FOXN3: variants seen among roughly 807,000 people sequenced by gnomAD.
The protein encoded by FOXN3 is forkhead box protein N3.
A neutral mutation model predicts 38.4 loss-of-function variants in FOXN3; 7 were observed. That is an observed-to-expected ratio of 0.18 (90% confidence interval 0.10 to 0.34). FOXN3 has a LOEUF of 0.34. FOXN3 is among the 10% of genes least tolerant of loss of function. The probability of loss-of-function intolerance (pLI) is 1.00; values close to 1 mark genes in which losing one functional copy is unlikely to be tolerated. For synonymous variants in FOXN3, 230 were observed against 242.2 expected, an observed-to-expected ratio of 0.95 and a Z score of 0.47; for missense variants, 456 against 613.4, an observed-to-expected ratio of 0.74 and a Z score of 2.71.
chr14:89,472,206 G>T (rs1893108411), intron 1 of FOXN3, among the ~76,000 whole-genome samples: 1 of 150,328 alleles, frequency 6.7e-6, no homozygotes. Context: ...GGTGAGCTGA[G>T]ATCATGCCAC....
chr14:89,249,258 G>C (rs974852230), intron 4 of FOXN3, among the ~76,000 whole-genome samples: 1 of 152,158 alleles, frequency 6.6e-6, no homozygotes, highest in Non-Finnish European at 1.5e-5. Flanking sequence ...TAGCAGGAAA[G>C]GCTTCCGTTG....
chr14:89,580,097 C>A (rs1238177334), intron 1 of FOXN3, among the ~76,000 whole-genome samples: 2 of 152,140 alleles, frequency 1.3e-5, no homozygotes, highest in Non-Finnish European at 2.9e-5. Context: ...GACTCCATAA[C>A]CCATATTTCT....
At chr14:89,264,101 C>G (rs1289714127) in intron 4 of FOXN3, 1 of 152,326 alleles carries the variant, frequency 6.6e-6, no homozygotes. Flanking sequence ...AATCAGCACC[C>G]TATGAACTAA....
chr14:89,447,203 G>GA (rs11384819), intron 1 of FOXN3, among the ~76,000 whole-genome samples: 49,423 of 135,946 alleles, frequency 0.36, 8,979 homozygotes, highest in Middle Eastern at 0.51. Context: ...TCACAAAAAG[G>GA]AAAAAAAAAA....
At chr14:89,222,888 T>C (rs1324783769) in intron 4 of FOXN3, among the ~76,000 whole-genome samples, 1 of 152,202 alleles carries the variant, frequency 6.6e-6, no homozygotes, top group East Asian at 1.9e-4. Flanking sequence ...AACTATGGAA[T>C]CTGCCTTTAG....
intron 2 of FOXN3, among the ~76,000 whole-genome samples, chr14:89,366,020 G>C (rs1383237821): frequency 2.0e-5 from 3 of 152,156 alleles, no homozygotes; most frequent in Non-Finnish European, 2.9e-5. Flanking sequence ...GGGAGGCCGA[G>C]GCGGGTGGAT....
chr14:89,550,899 G>A (rs1224238730), intron 1 of FOXN3, among the ~76,000 whole-genome samples: 1 of 152,146 alleles, frequency 6.6e-6, no homozygotes, highest in Non-Finnish European at 1.5e-5. Flanking sequence ...TCTTTTCTGT[G>A]GGGGTAGGGG....
chr14:89,442,505 C>G (rs1430631143), intron 1 of FOXN3, among the ~76,000 whole-genome samples: 1 of 152,184 alleles, frequency 6.6e-6, no homozygotes, highest in Admixed American at 6.5e-5. Flanking sequence ...CAAAATGACT[C>G]CTATCTTCTG....
At chr14:89,493,289 T>C (rs895261681) in intron 1 of FOXN3, among the ~76,000 whole-genome samples, 1 of 152,218 alleles carries the variant, frequency 6.6e-6, no homozygotes, top group Non-Finnish European at 1.5e-5. Context: ...TAAATTGCAC[T>C]ACAACATACT....
intron 3 of FOXN3, among the ~76,000 whole-genome samples, chr14:89,297,850 T>A (rs1385271274): frequency 1.3e-5 from 2 of 152,110 alleles, no homozygotes; most frequent in African/African-American, 2.4e-5. Context: ...CCGGGTGTGG[T>A]GGCACACACC....
chr14:89,203,402 C>T lies in FOXN3; in HGVS notation c.746-22596G>A, dbSNP rs1394325201. On this transcript the variant is annotated intron_variant, in intron 4 of 5. Coordinates refer to ENST00000557258, the MANE Select transcript of FOXN3 (RefSeq NM_005197.4). The stretch of plus-strand genomic sequence containing the variant: ...TTCTTCAGAGAGAGGCTCTGGATAT[C>T]CAGCCAAGGCCCAGATCTGTTCTCC... Among the ~76,000 whole-genome samples, 3 of 152,222 alleles carry T rather than the reference C, an allele frequency of 2.0e-5. No individual in the cohort carries two copies. In the East Asian group the frequency reaches 5.8e-4, roughly 29 times the overall value.
chr14:89,249,322 CCT>C (rs1885386368), intron 4 of FOXN3, among the ~76,000 whole-genome samples: 1 of 152,166 alleles, frequency 6.6e-6, no homozygotes, highest in Non-Finnish European at 1.5e-5. Flanking sequence ...TCCCCTTTCC[CCT>C]GACAGTCTTC....
intron 2 of FOXN3, among the ~76,000 whole-genome samples, chr14:89,390,392 G>A (rs1341830001): frequency 7.0e-6 from 1 of 141,876 alleles, no homozygotes; most frequent in African/African-American, 2.6e-5. Context: ...TTTAAGTAAG[G>A]AAAACTATTA....
intron 1 of FOXN3, among the ~76,000 whole-genome samples, chr14:89,617,150 C>G (rs1328501623): frequency 6.6e-6 from 1 of 152,162 alleles, no homozygotes; most frequent in African/African-American, 2.4e-5. Context: ...TAGATACAAT[C>G]CACTTCCTGT....
intron 1 of FOXN3, among the ~76,000 whole-genome samples, chr14:89,593,106 A>T: frequency 7.9e-6 from 1 of 126,598 alleles, no homozygotes; most frequent in Non-Finnish European, 1.7e-5. Context: ...AAGGAAAGAA[A>T]GGAGAGAGAG....
At chr14:89,549,117 TAA>T (rs778301383) in intron 1 of FOXN3, among the ~76,000 whole-genome samples, 17 of 136,766 alleles carry the variant, frequency 1.2e-4, no homozygotes, top group Non-Finnish European at 1.3e-4. Flanking sequence ...AGACTCCATC[TAA>T]AAAAAAAAAA....
chr14:89,581,344 C>T (rs1305089532), intron 1 of FOXN3, among the ~76,000 whole-genome samples: 2 of 151,100 alleles, frequency 1.3e-5, no homozygotes, highest in Admixed American at 6.6e-5. Flanking sequence ...TTGCTGGCCA[C>T]GGTGGTGTGT....
chr14:89,338,656 T>C lies in FOXN3; in HGVS notation c.680+12016A>G, dbSNP rs531618794. On this transcript the variant is annotated intron_variant, in intron 3 of 5. Coordinates refer to ENST00000557258, the MANE Select transcript of FOXN3 (RefSeq NM_005197.4). ...TAAAAATACAGAAATTAGTCAGGTGTGGTGATGGGTGCCTGTAATCCCAGC... is the reference window on the plus strand; with the variant it reads ...TAAAAATACAGAAATTAGTCAGGTGCGGTGATGGGTGCCTGTAATCCCAGC... Among the ~76,000 whole-genome samples, 10 of 152,070 alleles carry C rather than the reference T, an allele frequency of 6.6e-5. No individual in the cohort carries two copies. The East Asian group carries it at 1.7e-3, about 26-fold the overall frequency.
In FOXN3 at chr14:89,468,270, G is replaced by A. The variant is rs572953888; in HGVS notation, c.-14-55780C>T. The stretch of plus-strand genomic sequence containing the variant: ...AGAGTTCAAGACCAGCCTGGCCAAC[G>A]TGGTGAAACCCCGTCTCTACTGAAA... On this transcript the variant is annotated intron_variant, in intron 1 of 6. Transcript: ENST00000345097. Among the ~76,000 whole-genome samples, 14 of 151,984 alleles carry A rather than the reference G, an allele frequency of 9.2e-5. No individual in the cohort carries two copies. The East Asian group carries it at 2.3e-3, about 25-fold the overall frequency.
Sources: allele counts gnomAD v4.1 joint callset (sites outside exome capture counted in the v4.1 genomes callset), GRCh38; gene constraint gnomAD v4.1.1; transcripts MANE v1.5; gene names NCBI Gene and HGNC (gene_info 2026-07-23, HGNC 2026-07-21).